NAT10: variants seen among roughly 807,000 people sequenced by gnomAD.
The protein encoded by NAT10 is N-acetyltransferase 10, also known as RNA cytidine acetyltransferase.
NAT10 carries 109 observed loss-of-function variants against 132.2 expected under a neutral mutation model. The ratio of observed to expected loss-of-function variants is 0.82; its 90% CI spans 0.71 to 0.97. The LOEUF (loss-of-function observed/expected upper bound fraction) is 0.97, where lower values mean the gene tolerates loss of function less well. Among genes scored for constraint, NAT10 ranks in the 50% least tolerant of loss-of-function variants. The pLI is 0.00. For missense variants in NAT10, 1,184 were observed against 1,263.4 expected, an observed-to-expected ratio of 0.94 and a Z score of 0.95; for synonymous variants, 479 against 478.0, an observed-to-expected ratio of 1.00 and a Z score of -0.03.
intron 8 of NAT10, among the ~76,000 whole-genome samples, chr11:34,121,199 G>A (rs1168708728): frequency 6.6e-6 from 1 of 152,182 alleles, no homozygotes; most frequent in Non-Finnish European, 1.5e-5. Context: ...TTCTTTTTAA[G>A]AGGATCGTCT....
Position 34,134,625 on chromosome 11 carries a change from G to C in NAT10, c.1911+39G>C, listed in dbSNP as rs370093478. 2.9e-5 allele frequency: 46 copies of C among 1,606,648 alleles called. No homozygotes were observed. The African/African-American group carries it at 4.8e-4, about 17-fold the overall frequency. On this transcript the variant is annotated intron_variant, in intron 18 of 28. Transcript: ENST00000257829. ...AGGCTCCCCTGAAGCCGTGTTGCTG[G>C]CGGTGCTTTAGGGTGGGGGTACTTG...
intron 12 of NAT10, among the ~76,000 whole-genome samples, chr11:34,127,810 C>T (rs373826600): frequency 6.6e-6 from 1 of 152,150 alleles, no homozygotes; most frequent in Non-Finnish European, 1.5e-5. Context: ...ATGAAATGGG[C>T]AGTGTAAGAC....
rs773370564 is a variant in NAT10 at position 34,131,425 on chromosome 11, G to T, written c.1414G>T (p.Ala472Ser). The T allele has an allele frequency of 7.4e-6, 12 of 1,613,996 alleles. No homozygotes were observed. The Admixed American group carries it at 8.3e-5, about 11-fold the overall frequency. The change falls in exon 14 of 29, where the codon GCC (alanine) becomes TCC (serine). Residue 472 changes from alanine to serine, a missense_variant. Coordinates refer to ENST00000257829, the MANE Select transcript of NAT10 (RefSeq NM_024662.3). ...TTCCCTCCAGGAGTCAATCCGATAC[G>T]CCCCTGGGGATGCAGTGGAGAAGTG... Reference protein sequence around the residue: ...EVSLQESIRYAPGDAVEKWLN... With the variant: ...EVSLQESIRYSPGDAVEKWLN...
At chr11:34,139,523 G>T (rs1338194900) in intron 23 of NAT10, 28 bp downstream of exon 23, 1 of 1,591,554 alleles carries the variant, frequency 6.3e-7, no homozygotes, top group Non-Finnish European at 8.6e-7. Flanking sequence ...AGGGAGGAGG[G>T]TTGGGAATGG....
At chr11:34,142,463 A>C in intron 27 of NAT10, 115 bp downstream of exon 27, 1 of 836,628 alleles carries the variant, frequency 1.2e-6, no homozygotes. Context: ...TCATGGGATC[A>C]GTTTTAGGGA....
intron 11 of NAT10, among the ~76,000 whole-genome samples, chr11:34,127,019 C>T (rs1027326923): frequency 4.6e-5 from 7 of 152,144 alleles, no homozygotes; most frequent in South Asian, 2.1e-4. Flanking sequence ...AGCTATGCCT[C>T]GAGCTCATCG....
chr11:34,122,887 A>G (rs533675807), intron 9 of NAT10, among the ~76,000 whole-genome samples: 38 of 152,368 alleles, frequency 2.5e-4, no homozygotes, highest in Admixed American at 5.2e-4. Flanking sequence ...GGAGTAAGAA[A>G]CTTTACAACT....
At chr11:34,130,986 A>T in intron 13 of NAT10, 49 bp downstream of exon 13, 1 of 1,602,544 alleles carries the variant, frequency 6.2e-7, no homozygotes, top group East Asian at 2.2e-5. Flanking sequence ...AAGGCCCTTC[A>T]GTCTTACTGA....
At chr11:34,126,369 C>T (rs1253095940) in intron 11 of NAT10, among the ~76,000 whole-genome samples, 2 of 152,188 alleles carry the variant, frequency 1.3e-5, no homozygotes, top group Non-Finnish European at 2.9e-5. Context: ...TGGAAACATA[C>T]TGTACTTGTC....
In NAT10 at chr11:34,108,188, AGTT is replaced by A. The variant is rs1851629601; in HGVS notation, c.-15-20_-15-18del. On this transcript the variant is annotated intron_variant, in intron 1 of 28. Transcript: ENST00000257829. ...CTTAGACAATCTAGTGCGCATGGCC[AGTT>A]GTATTTCTTTCTCTTTTAGTAATAA... The A allele has an allele frequency of 6.6e-7, 1 of 1,521,944 alleles. No homozygotes were observed. Among genetic ancestry groups the A allele is most frequent in the Non-Finnish European group, 9.1e-7 (1 of 1,096,566 alleles). The allele number at this position is 1,521,944 out of a possible 1,614,324, so 94.3% of individuals were successfully genotyped here.
chr11:34,118,849 G>C (rs1419705713), intron 8 of NAT10, among the ~76,000 whole-genome samples: 1 of 152,140 alleles, frequency 6.6e-6, no homozygotes, highest in African/African-American at 2.4e-5. Context: ...GCCTCAAGCA[G>C]TTCTCCTGCC....
Position 34,133,143 on chromosome 11 carries a change from G to T in NAT10, c.1734+1G>T. ...TCCAGAAGTGCTTGCTGTTATCCAG[G>T]TATAGGAGCAGAGGCGTCCTTGTGG... On this transcript the variant is annotated splice_donor_variant, in intron 16 of 28. Transcript: ENST00000257829. LOFTEE classifies it high-confidence loss of function. 6.2e-7 allele frequency: 1 copy of T among 1,607,648 alleles called. No homozygotes were observed.
chr11:34,123,218 T>C (rs1328863963), intron 9 of NAT10, among the ~76,000 whole-genome samples: 2 of 152,234 alleles, frequency 1.3e-5, no homozygotes, highest in Non-Finnish European at 2.9e-5. Flanking sequence ...TCCAGTGATT[T>C]ACCCAAGATC....
chr11:34,109,991 A>G (rs1851665308), intron 3 of NAT10, among the ~76,000 whole-genome samples: 1 of 152,216 alleles, frequency 6.6e-6, no homozygotes, highest in Non-Finnish European at 1.5e-5. Context: ...TGGTCATAGC[A>G]TAATACAAAG....
chr11:34,112,373 T>A (rs1246473000), intron 4 of NAT10, 150 bp downstream of exon 4: 5 of 912,792 alleles, frequency 5.5e-6, no homozygotes, highest in Non-Finnish European at 8.2e-6. Flanking sequence ...TCCTGGCCAC[T>A]TTCCAAAGTA....
intron 12 of NAT10, among the ~76,000 whole-genome samples, chr11:34,128,699 A>C (rs1852046327): frequency 6.6e-6 from 1 of 152,242 alleles, no homozygotes. Flanking sequence ...TAACTCACAT[A>C]CTGTACTATC....
At chr11:34,113,660 A>C (rs1278581793) in intron 4 of NAT10, 56 bp from the exon 5 acceptor site, 1 of 1,329,302 alleles carries the variant, frequency 7.5e-7, no homozygotes. Context: ...AAAAAAAAAA[A>C]GTCCTTTGGG....
intron 15 of NAT10, among the ~76,000 whole-genome samples, chr11:34,132,475 A>ATCC (rs1287758541): frequency 1.3e-5 from 2 of 148,878 alleles, no homozygotes; most frequent in African/African-American, 4.8e-5. Flanking sequence ...AACTGATAGG[A>ATCC]TGAGGTGACA....
chr11:34,134,193 G>A (rs906297433), intron 16 of NAT10, 126 bp from the exon 17 acceptor site: 16 of 769,204 alleles, frequency 2.1e-5, no homozygotes, highest in Non-Finnish European at 3.2e-5. Context: ...ATGTGTCAGT[G>A]TCAGGGTTAA....
Sources: allele counts gnomAD v4.1 joint callset (sites outside exome capture counted in the v4.1 genomes callset), GRCh38; gene constraint gnomAD v4.1.1; transcripts MANE v1.5; gene names NCBI Gene and HGNC (gene_info 2026-07-23, HGNC 2026-07-21).